BPIFB1: variants seen among roughly 807,000 people sequenced by gnomAD.
BPIFB1 encodes the protein BPI fold-containing family B member 1.
In BPIFB1, 34 loss-of-function variants were observed where a neutral mutation model predicts 55.1. The ratio of observed to expected loss-of-function variants is 0.62; its 90% CI spans 0.47 to 0.82. The LOEUF is 0.82. Among genes scored for constraint, BPIFB1 ranks in the 40% least tolerant of loss-of-function variants. The pLI, the probability that BPIFB1 is intolerant of heterozygous loss-of-function variation, is 0.00. For missense variants in BPIFB1, 532 were observed against 593.1 expected (o/e 0.90, Z 1.07); for synonymous variants, 236 against 245.3 (o/e 0.96, Z 0.35).
chr20:33,301,410 G>GT lies in BPIFB1; in HGVS notation c.926dup (p.Leu310AlafsTer3). On this transcript the variant is annotated frameshift_variant and splice_region_variant, in exon 9 of 16. Transcript: ENST00000253354. LOFTEE classifies it high-confidence loss of function. ...AGAATTCATGGTCCTGTTGGACTCT[G>GT]TGGTAAACCTCAGCACAAGGCAGAG... is the stretch of plus-strand genomic sequence containing the variant. 6.2e-7 allele frequency: 1 copy of GT among 1,612,594 alleles called. No individual in the cohort carries two copies. Among genetic ancestry groups the GT allele is most frequent in the Non-Finnish European group, 8.5e-7 (1 of 1,179,088 alleles).
intron 6 of BPIFB1, among the ~76,000 whole-genome samples, chr20:33,293,238 A>G (rs558002294): frequency 3.3e-5 from 5 of 152,256 alleles, no homozygotes; most frequent in African/African-American, 1.2e-4. Flanking sequence ...TTTCTTTGAA[A>G]AGATGATGTA....
Position 33,291,085 on chromosome 20 carries a change from T to G in BPIFB1, c.494T>G (p.Leu165Arg). ...GACTGTGCCACCAGCCATGGGAGCC[T>G]GCGCATCCAACTGCTGCATAAGTGA... ...LSDCATSHGS[L>R]RIQLLHKLSF... The change falls in exon 5 of 16, where the codon CTG (leucine) becomes CGG (arginine). Residue 165 changes from leucine (L) to arginine (R), a missense_variant. Transcript: ENST00000253354. The G allele has an allele frequency of 1.2e-6, 2 of 1,612,300 alleles. No homozygotes were observed. Among genetic ancestry groups the G allele is most frequent in the Non-Finnish European group, 1.7e-6 (2 of 1,179,994 alleles).
In BPIFB1 at chr20:33,302,776, A is replaced by G. The variant is rs565383144; in HGVS notation, c.982-140A>G. ...AGGGAGAACAACACAACATTCAAGG[A>G]TCTGCAAGAAGGACAGGGTGGCTGG... On this transcript the variant is annotated intron_variant, in intron 10 of 15. Coordinates refer to ENST00000253354, the MANE Select transcript of BPIFB1 (RefSeq NM_033197.3). The G allele has an allele frequency of 5.2e-4, 476 of 912,418 alleles. 1 individual carries two copies. In the African/African-American group the frequency reaches 7.1e-3, roughly 14 times the overall value. 56.5% of individuals were successfully genotyped at this position (912,418 alleles called of 1,614,324 possible). A position where few individuals can be genotyped will look rare whatever the true frequency, so the allele number is the denominator to read the frequency against.
At position 33,288,888 on chromosome 20, in the gene BPIFB1, T is replaced by A. The variant is rs754146128; in HGVS notation, c.257+6T>A. The A allele has an allele frequency of 6.2e-7, 1 of 1,612,114 alleles. No individual in the cohort carries two copies. The highest frequency in any genetic ancestry group is 8.5e-7 in the Non-Finnish European group (1 of 1,179,652). On this transcript the variant is annotated splice_donor_region_variant and intron_variant, in intron 3 of 15. Coordinates refer to ENST00000253354, the MANE Select transcript of BPIFB1 (RefSeq NM_033197.3). ...GTCCTGAAGCACATCATCTGGTGAG[T>A]GGAGCAGGACCACACCAGGAGCTAG...
chr20:33,291,249 C>A, intron 5 of BPIFB1, 143 bp downstream of exon 5: 1 of 1,129,862 alleles, frequency 8.9e-7, no homozygotes, highest in East Asian at 2.6e-5. Flanking sequence ...TGATCTGGGG[C>A]TCCTTCCAGG....
Position 33,302,920 on chromosome 20 carries a change from C to A in BPIFB1, c.986C>A (p.Ala329Glu), listed in dbSNP as rs776635392. 1 of 1,613,978 alleles carries A rather than the reference C, an allele frequency of 6.2e-7. No homozygotes were observed. The highest frequency in any genetic ancestry group is 1.1e-5 in the South Asian group (1 of 91,068). Residue 329 changes from alanine (A) to glutamate (E), a missense_variant, in exon 11 of 16, where the codon GCA becomes GAA. Physicochemically the swap from Ala to Glu is moderately radical, Grantham distance 107. Transcript: ENST00000253354. The part of the protein sequence containing the change: ...SSIGLINEKA[A>E]DKLGSTQIVK... ...GTGGGTCTGATCTCCTTCCAGGCTGCAGATAAGCTGGGATCTACCCAGATC... is the reference window on the plus strand; with the variant it reads ...GTGGGTCTGATCTCCTTCCAGGCTGAAGATAAGCTGGGATCTACCCAGATC...
intron 9 of BPIFB1, among the ~76,000 whole-genome samples, chr20:33,301,675 G>T (rs1229764501): frequency 6.6e-6 from 1 of 152,166 alleles, no homozygotes; most frequent in Non-Finnish European, 1.5e-5. Context: ...AAATCAAAAG[G>T]CATCTTAGAT....
At chr20:33,295,662 G>GAGAAAGAAAGAAAGAAAGAAAGAAAGAA (rs748483377) in intron 6 of BPIFB1, among the ~76,000 whole-genome samples, 27 of 136,176 alleles carry the variant, frequency 2.0e-4, no homozygotes, top group African/African-American at 8.7e-4. Flanking sequence ...GAAAGAAAGA[G>GAGAAAGAAAGAAAGAAAGAAAGAAAGAA]AGAAAGAAAG....
chr20:33,305,809 C>T (rs969246806), intron 13 of BPIFB1, among the ~76,000 whole-genome samples, 193 bp from the exon 14 acceptor site: 7 of 152,030 alleles, frequency 4.6e-5, no homozygotes, highest in African/African-American at 1.2e-4. Context: ...GCCCCAGGGG[C>T]GGCTGAGTTC....
chr20:33,299,131 C>A (rs576949006), intron 7 of BPIFB1: 218 of 456,684 alleles, frequency 4.8e-4, no homozygotes, highest in Non-Finnish European at 7.4e-4. Context: ...CAGATTCAGA[C>A]GCGAGAAGAG....
intron 8 of BPIFB1, among the ~76,000 whole-genome samples, chr20:33,300,779 G>C (rs1242438974): frequency 1.3e-5 from 2 of 152,042 alleles, no homozygotes; most frequent in Non-Finnish European, 2.9e-5. Context: ...GTAAAGATGG[G>C]GTTCCGCCAT....
rs775158421 is a variant in BPIFB1 at position 33,290,028 on chromosome 20, C to A, written c.365+36C>A. ...CCTCCATCAAGTACAGTAGGCTTGA[C>A]AGGCTCATCTGCTCGTTCCCCCTCC... On this transcript the variant is annotated intron_variant, in intron 4 of 15. Coordinates refer to ENST00000253354, the MANE Select transcript of BPIFB1 (RefSeq NM_033197.3). 63 of 1,502,050 alleles carry A rather than the reference C, an allele frequency of 4.2e-5. 1 individual carries two copies. Among genetic ancestry groups the A allele is most frequent in the Non-Finnish European group, 5.1e-5 (55 of 1,078,276 alleles). 93.0% of individuals were successfully genotyped at this position (1,502,050 alleles called of 1,614,324 possible).
Position 33,309,441 on chromosome 20 carries a change from T to C in BPIFB1, c.1396-267T>C, listed in dbSNP as rs926248446. Among the ~76,000 whole-genome samples, 3 of 152,182 alleles carry C rather than the reference T, an allele frequency of 2.0e-5. No individual in the cohort carries two copies. The highest frequency in any genetic ancestry group is 7.2e-5 in the African/African-American group (3 of 41,452). On this transcript the variant is annotated intron_variant, in intron 15 of 15. Coordinates refer to ENST00000253354, the MANE Select transcript of BPIFB1 (RefSeq NM_033197.3). This position sits in a 1 kb window ranked among gnomAD's most constrained non-coding sequence, Gnocchi z 4.4. Reference sequence around the variant, plus strand: ...TGCAAATCCCACTTCTGCCACCTACTGAGTGCGTGACTTTGGAAAGGGGCT... The same window carrying C: ...TGCAAATCCCACTTCTGCCACCTACCGAGTGCGTGACTTTGGAAAGGGGCT...
At position 33,293,889 on chromosome 20, in the gene BPIFB1, T is replaced by A. The variant is rs566708973; in HGVS notation, c.597+1901T>A. Reference sequence around the variant, plus strand: ...CTGCTTTATATAAACAATGTGATTCTTATTAAGAGTACTTTAAAACAATGG... The same window carrying A: ...CTGCTTTATATAAACAATGTGATTCATATTAAGAGTACTTTAAAACAATGG... On this transcript the variant is annotated intron_variant, in intron 6 of 15. Coordinates refer to ENST00000253354, the MANE Select transcript of BPIFB1 (RefSeq NM_033197.3). Among the ~76,000 whole-genome samples the A allele has an allele frequency of 2.0e-5, 3 of 152,358 alleles. No homozygotes were observed. The East Asian group carries it at 5.8e-4, about 29-fold the overall frequency.
chr20:33,283,939 CAG>C (rs1317937363), intron 1 of BPIFB1, among the ~76,000 whole-genome samples: 1 of 152,072 alleles, frequency 6.6e-6, no homozygotes, highest in Non-Finnish European at 1.5e-5. Flanking sequence ...GCAGGACAGA[CAG>C]AGTCAAGGTA....
rs781289104 is a variant in BPIFB1, at chr20:33,303,977, A to T, written c.1160A>T (p.Gln387Leu). The change falls in exon 12 of 16, where the codon CAG (glutamine) becomes CTG (leucine). Residue 387 changes from glutamine (Q) to leucine (L), a missense_variant. Coordinates refer to ENST00000253354, the MANE Select transcript of BPIFB1 (RefSeq NM_033197.3). ...TTGCAGGAAGCCAGCTCGGAAGCTC[A>T]GTTTTACACCAAAGGTGACCAACTT... Reference protein sequence around the residue: ...TLGIEASSEAQFYTKGDQLIL... With the variant: ...TLGIEASSEALFYTKGDQLIL... 38 of 1,613,808 alleles carry T rather than the reference A, an allele frequency of 2.4e-5. No homozygotes were observed. The highest frequency in any genetic ancestry group is 3.1e-5 in the Non-Finnish European group (36 of 1,179,972).
intron 12 of BPIFB1, 62 bp from the exon 13 acceptor site, chr20:33,304,784 A>C (rs541667465): frequency 2.1e-5 from 34 of 1,595,122 alleles, no homozygotes; most frequent in Non-Finnish European, 2.9e-5. Flanking sequence ...TCGCTGTTGA[A>C]TGAGTGGATG....
intron 1 of BPIFB1, among the ~76,000 whole-genome samples, chr20:33,284,862 C>G (rs1256866902): frequency 1.3e-5 from 2 of 152,214 alleles, no homozygotes; most frequent in African/African-American, 4.8e-5. Flanking sequence ...GCATGAGCCA[C>G]AGGGCCCTTT....
chr20:33,302,538 G>A (rs1980886906), intron 10 of BPIFB1, 126 bp downstream of exon 10: 1 of 1,046,616 alleles, frequency 9.6e-7, no homozygotes, highest in Admixed American at 1.9e-5. Flanking sequence ...CCGCATCCCT[G>A]TCCGCACAGA....
Sources: allele counts gnomAD v4.1 joint callset (sites outside exome capture counted in the v4.1 genomes callset), GRCh38; gene constraint gnomAD v4.1.1; non-coding constraint Gnocchi (gnomAD v3.1); transcripts MANE v1.5; gene names NCBI Gene and HGNC (gene_info 2026-07-23, HGNC 2026-07-21).